Variants in ELAPOR2 observed in about 807,000 individuals in gnomAD.
ELAPOR2 encodes the protein endosome/lysosome-associated apoptosis and autophagy regulator family member 2.
A neutral mutation model predicts 120.7 loss-of-function variants in ELAPOR2; 89 were observed. The observed-to-expected ratio is 0.74, with a 90% confidence interval of 0.62 to 0.88. The LOEUF is 0.88. Among genes scored for constraint, ELAPOR2 ranks in the 40% least tolerant of loss-of-function variants. The pLI, the probability that ELAPOR2 is intolerant of heterozygous loss-of-function variation, is 0.00. For missense variants in ELAPOR2, 1,134 were observed against 1,251.6 expected, an observed-to-expected ratio of 0.91 and a Z score of 1.42; for synonymous variants, 444 against 444.9, an observed-to-expected ratio of 1.00 and a Z score of 0.03.
intron 6 of ELAPOR2, among the ~76,000 whole-genome samples, chr7:86,939,509 ACTC>A (rs1790711387): frequency 6.6e-6 from 1 of 152,032 alleles, no homozygotes; most frequent in African/African-American, 2.4e-5. Flanking sequence ...AATGAAAAAT[ACTC>A]CTAATTGAGA....
At chr7:87,005,237 T>C (rs555891677) in intron 1 of ELAPOR2, among the ~76,000 whole-genome samples, 46 of 152,298 alleles carry the variant, frequency 3.0e-4, no homozygotes, top group South Asian at 8.3e-4. Flanking sequence ...GGCATGTCAA[T>C]TGCTTTTACT....
intron 21 of ELAPOR2, among the ~76,000 whole-genome samples, chr7:86,888,707 A>G (rs1799807930): frequency 6.6e-6 from 1 of 152,102 alleles, no homozygotes; most frequent in Non-Finnish European, 1.5e-5. Context: ...TGCAGTGTGG[A>G]CAAACAGGGA....
At chr7:86,918,037 T>G (rs1370750605) in intron 12 of ELAPOR2, among the ~76,000 whole-genome samples, 1 of 152,138 alleles carries the variant, frequency 6.6e-6, no homozygotes, top group Non-Finnish European at 1.5e-5. Flanking sequence ...ATGTTCTACA[T>G]CTCCATTATT....
rs1380053781 is a variant in ELAPOR2 at position 87,041,873 on chromosome 7, C to A, written c.189+17452G>T. 4.6e-5 allele frequency among the ~76,000 whole-genome samples: 7 copies of A among 151,886 alleles called. 2 individuals are homozygous for A. Among genetic ancestry groups the A allele is most frequent in the African/African-American group, 1.7e-4 (7 of 41,212 alleles). ...TGCTGTATTCAGGAAACCCATCTCA[C>A]GTGCAGAGACACACATAGGCTCAAA... On this transcript the variant is annotated intron_variant, in intron 1 of 21. Transcript: ENST00000450689.
intron 1 of ELAPOR2, among the ~76,000 whole-genome samples, chr7:86,981,785 T>G (rs28378641): frequency 6.6e-6 from 1 of 152,152 alleles, no homozygotes; most frequent in Non-Finnish European, 1.5e-5. Context: ...CTAAGGTACC[T>G]GGTTCATCTC....
intron 17 of ELAPOR2, among the ~76,000 whole-genome samples, chr7:86,908,183 ACACG>A (rs1452761928): frequency 6.8e-6 from 1 of 147,446 alleles, no homozygotes; most frequent in African/African-American, 2.6e-5. Context: ...ACACACACAC[ACACG>A]AGAAATTATA....
At chr7:86,920,402 TAA>T (rs1789775495) in intron 10 of ELAPOR2, among the ~76,000 whole-genome samples, 2 of 152,050 alleles carry the variant, frequency 1.3e-5, no homozygotes, top group African/African-American at 4.8e-5. Context: ...CACTTAGGTT[TAA>T]AGAGACTGTA....
At chr7:86,953,728 A>T (rs28362761) in intron 2 of ELAPOR2, among the ~76,000 whole-genome samples, 14,379 of 152,206 alleles carry the variant, frequency 0.094, 767 homozygotes, top group African/African-American at 0.13. Flanking sequence ...CTTCTTCAAC[A>T]ACCTTGAAAT....
intron 8 of ELAPOR2, among the ~76,000 whole-genome samples, chr7:86,928,509 C>T (rs1167911971): frequency 6.6e-6 from 1 of 151,784 alleles, no homozygotes; most frequent in African/African-American, 2.4e-5. Flanking sequence ...GAGTGGCGGG[C>T]GGTGCTGACA....
chr7:87,037,581 A>G (rs1794628954), intron 1 of ELAPOR2, among the ~76,000 whole-genome samples: 1 of 152,144 alleles, frequency 6.6e-6, no homozygotes, highest in South Asian at 2.1e-4. Context: ...CCCGTGAGAG[A>G]GGCAAGAGTC....
intron 1 of ELAPOR2, among the ~76,000 whole-genome samples, chr7:87,041,812 C>A (rs1457719872): frequency 6.6e-6 from 1 of 151,830 alleles, no homozygotes; most frequent in Admixed American, 6.6e-5. Flanking sequence ...AAGACACAGA[C>A]TGGCAAACTG....
intron 2 of ELAPOR2, among the ~76,000 whole-genome samples, chr7:86,948,125 C>T (rs2116388786): frequency 6.6e-6 from 1 of 152,348 alleles, no homozygotes; most frequent in South Asian, 2.1e-4. Flanking sequence ...CCACCCTCTT[C>T]CAGCCAAAAC....
intron 1 of ELAPOR2, among the ~76,000 whole-genome samples, chr7:86,981,124 A>AGATC (rs537114632): frequency 3.2e-4 from 49 of 152,310 alleles, no homozygotes; most frequent in African/African-American, 1.1e-3. Context: ...CAGAAGAGTC[A>AGATC]GATCTACAAG....
At chr7:86,906,684 T>A (rs746737518) in intron 18 of ELAPOR2, among the ~76,000 whole-genome samples, 31 of 152,088 alleles carry the variant, frequency 2.0e-4, no homozygotes, top group Admixed American at 1.2e-3. Flanking sequence ...AGAAAAAAAA[T>A]CTGCAAATCA....
intron 3 of ELAPOR2, among the ~76,000 whole-genome samples, chr7:86,946,282 A>G (rs1481740154): frequency 6.6e-6 from 1 of 152,172 alleles, no homozygotes; most frequent in African/African-American, 2.4e-5. Flanking sequence ...GAACTAAAAT[A>G]TACTACTGGT....
Position 86,926,783 on chromosome 7 carries a change from G to A in ELAPOR2, c.1223C>T (p.Ser408Phe). ...CNPGFYNNGS[S>F]SCHPCPPGTF... ...TCCAGGAGGACAGGGATGGCAAGAA[G>A]ATGATCCATTGTTATAAAATCCAGG... Residue 408 changes from serine to phenylalanine, a missense_variant, in exon 9 of 22, where the codon TCT becomes TTT. This residue lies in a region of ELAPOR2 where 831 missense variants were observed against 867.6 expected (regional missense o/e 0.96). Coordinates refer to ENST00000450689, the MANE Select transcript of ELAPOR2 (RefSeq NM_001142749.3). 6.2e-7 allele frequency: 1 copy of A among 1,611,944 alleles called. No individual in the cohort carries two copies. Among genetic ancestry groups the A allele is most frequent in the Non-Finnish European group, 8.5e-7 (1 of 1,178,784 alleles).
intron 1 of ELAPOR2, among the ~76,000 whole-genome samples, chr7:87,011,597 T>A (rs1203657098): frequency 6.6e-6 from 1 of 152,262 alleles, no homozygotes; most frequent in Non-Finnish European, 1.5e-5. Flanking sequence ...AACATTGTTG[T>A]ATAAAAAATA....
At chr7:86,901,435 A>G (rs1208764396) in intron 18 of ELAPOR2, among the ~76,000 whole-genome samples, 2 of 152,176 alleles carry the variant, frequency 1.3e-5, no homozygotes, top group Non-Finnish European at 2.9e-5. Flanking sequence ...CTAAAGTAGG[A>G]TCTAATTGGT....
In ELAPOR2 at chr7:87,041,006, G is replaced by T. The variant is rs555374386; in HGVS notation, c.189+18319C>A. ...GCCGATGCGATCAACTGGAAGAAAG[G>T]GTATCAGCGATGGAAGATGAAATGA... On this transcript the variant is annotated intron_variant, in intron 1 of 21. Transcript: ENST00000450689. 1.1e-4 allele frequency among the ~76,000 whole-genome samples: 17 copies of T among 152,172 alleles called. No individual in the cohort carries two copies. The South Asian group carries it at 3.5e-3, about 32-fold the overall frequency.
Sources: allele counts gnomAD v4.1 joint callset (sites outside exome capture counted in the v4.1 genomes callset), GRCh38; gene constraint gnomAD v4.1.1; regional missense constraint gnomAD v4.1.1; transcripts MANE v1.5; gene names NCBI Gene and HGNC (gene_info 2026-07-23, HGNC 2026-07-21).